ARHGAP24: variants seen among roughly 807,000 people sequenced by gnomAD.
ARHGAP24 encodes rho GTPase-activating protein 24.
A neutral mutation model predicts 76.4 loss-of-function variants in ARHGAP24; 50 were observed. The ratio of observed to expected loss-of-function variants is 0.65; its 90% confidence interval spans 0.52 to 0.83. The LOEUF (loss-of-function observed/expected upper bound fraction) is 0.83. ARHGAP24 is among the 40% of genes least tolerant of loss of function. ARHGAP24 has a pLI of 0.00. For synonymous variants in ARHGAP24, 345 were observed against 323.3 expected (o/e 1.07, Z -0.72); for missense variants, 930 against 914.2 (o/e 1.02, Z -0.22).
intron 2 of ARHGAP24, among the ~76,000 whole-genome samples, chr4:85,594,353 G>C (rs1313130445): frequency 2.6e-5 from 4 of 151,886 alleles, no homozygotes; most frequent in Non-Finnish European, 2.9e-5. Flanking sequence ...TTTTTTGGTG[G>C]AGTCTTTGTT....
intron 3 of ARHGAP24, among the ~76,000 whole-genome samples, chr4:85,743,901 G>A (rs1375731236): frequency 6.6e-6 from 1 of 152,156 alleles, no homozygotes; most frequent in Non-Finnish European, 1.5e-5. Context: ...TAACACAGAA[G>A]TATGGTATCA....
intron 1 of ARHGAP24, among the ~76,000 whole-genome samples, chr4:85,497,877 T>G (rs1723641805): frequency 6.6e-6 from 1 of 152,166 alleles, no homozygotes; most frequent in Non-Finnish European, 1.5e-5. Context: ...TGTCCCTAAC[T>G]TTTTAGTTTT....
chr4:85,851,040 A>T (rs1349092991), intron 3 of ARHGAP24, among the ~76,000 whole-genome samples: 1 of 152,072 alleles, frequency 6.6e-6, no homozygotes, highest in African/African-American at 2.4e-5. Context: ...TTTAATATTG[A>T]CAGTGGGGTG....
chr4:85,630,702 C>G (rs1441402820), intron 2 of ARHGAP24, among the ~76,000 whole-genome samples: 1 of 151,634 alleles, frequency 6.6e-6, no homozygotes, highest in East Asian at 1.9e-4. Context: ...TTCTAATACT[C>G]TATCTAACAT....
chr4:85,942,221 G>A lies in ARHGAP24; in HGVS notation c.547G>A (p.Val183Ile). 6.2e-7 allele frequency: 1 copy of A among 1,614,088 alleles called. No individual in the cohort carries two copies. Among genetic ancestry groups the A allele is most frequent in the Non-Finnish European group, 8.5e-7 (1 of 1,180,000 alleles). ...TCGACTGCCAGGCCAGGCTAATCTT[G>A]TTAAGGAGCTCCAAGATGCCTTTGA... Reference protein sequence around the residue: ...LFRLPGQANLVKELQDAFDCG... With the variant: ...LFRLPGQANLIKELQDAFDCG... Residue 183 changes from valine (V) to isoleucine (I), a missense_variant, in exon 5 of 10, where the codon GTT becomes ATT. Coordinates refer to ENST00000395184, the MANE Select transcript of ARHGAP24 (RefSeq NM_001025616.3).
intron 4 of ARHGAP24, chr4:85,930,954 G>GAGTTATTGGTGACTGTAGAAAAA: frequency 6.2e-7 from 1 of 1,614,004 alleles, no homozygotes; most frequent in South Asian, 1.1e-5. Flanking sequence ...GGAATTCTGG[G>GAGTTATTGGTGACTGTAGAAAAA]GGGTGCCCGG....
chr4:85,743,484 C>T (rs1277623354), intron 3 of ARHGAP24, among the ~76,000 whole-genome samples: 1 of 143,636 alleles, frequency 7.0e-6, no homozygotes, highest in Non-Finnish European at 1.5e-5. Flanking sequence ...AGGAGGATCA[C>T]TTGAGCCCAG....
chr4:85,560,593 G>A (rs538763500), intron 1 of ARHGAP24, among the ~76,000 whole-genome samples: 146 of 152,258 alleles, frequency 9.6e-4, no homozygotes, highest in African/African-American at 3.3e-3. Flanking sequence ...GAAAATAACT[G>A]TACGTAAGTT....
At chr4:85,781,929 C>T (rs985564030) in intron 3 of ARHGAP24, among the ~76,000 whole-genome samples, 2 of 150,962 alleles carry the variant, frequency 1.3e-5, no homozygotes, top group Non-Finnish European at 2.9e-5. Flanking sequence ...CCCAGCTACC[C>T]GGGAGGCTGA....
At chr4:85,984,472 T>C (rs1173105195) in intron 8 of ARHGAP24, among the ~76,000 whole-genome samples, 4 of 152,196 alleles carry the variant, frequency 2.6e-5, no homozygotes, top group African/African-American at 9.6e-5. Context: ...ATCTCTTTTA[T>C]GCTCGTACTA....
chr4:85,720,764 A>G (rs1724900829), intron 2 of ARHGAP24, among the ~76,000 whole-genome samples: 1 of 152,210 alleles, frequency 6.6e-6, no homozygotes, highest in South Asian at 2.1e-4. Context: ...AGACATTCAG[A>G]CAACAGAGAA....
chr4:85,814,435 T>C (rs1337008029), intron 3 of ARHGAP24, among the ~76,000 whole-genome samples: 7 of 152,166 alleles, frequency 4.6e-5, no homozygotes, highest in Non-Finnish European at 8.8e-5. Context: ...GGTACAGTAA[T>C]TGGGTAACTA....
At chr4:85,742,369 T>C (rs1416878467) in intron 3 of ARHGAP24, among the ~76,000 whole-genome samples, 1 of 152,222 alleles carries the variant, frequency 6.6e-6, no homozygotes, top group Non-Finnish European at 1.5e-5. Flanking sequence ...AAAGGAATAC[T>C]AATTAACTCA....
intron 3 of ARHGAP24, among the ~76,000 whole-genome samples, chr4:85,766,083 T>C (rs1178786598): frequency 6.6e-6 from 1 of 152,146 alleles, no homozygotes; most frequent in South Asian, 2.1e-4. Context: ...CCTAAGGTAA[T>C]ATCAACAAGG....
intron 2 of ARHGAP24, among the ~76,000 whole-genome samples, chr4:85,595,206 A>T (rs1300084380): frequency 6.6e-6 from 1 of 152,148 alleles, no homozygotes; most frequent in African/African-American, 2.4e-5. Context: ...CCTCTTTCTC[A>T]GGTTGATGGA....
chr4:85,626,456 G>T (rs982191959), intron 2 of ARHGAP24, among the ~76,000 whole-genome samples: 1 of 150,772 alleles, frequency 6.6e-6, no homozygotes, highest in Admixed American at 6.6e-5. Flanking sequence ...AGTCTGATGG[G>T]CTTCCCTTTG....
intron 2 of ARHGAP24, among the ~76,000 whole-genome samples, chr4:85,615,000 A>G (rs1227314694): frequency 6.6e-6 from 1 of 152,098 alleles, no homozygotes; most frequent in African/African-American, 2.4e-5. Flanking sequence ...AAGTCTGTGA[A>G]AACTAACTTG....
Position 85,570,577 on chromosome 4 carries a change from A to C in ARHGAP24, c.36A>C (p.Gln12His). The change falls in exon 2 of 10, where the codon CAA becomes CAC. Residue 12 changes from glutamine (Q) to histidine (H), a missense_variant. Coordinates refer to ENST00000395184, the MANE Select transcript of ARHGAP24 (RefSeq NM_001025616.3). ...EENNDSTENP[Q>H]QGQGRQNAIK... ...ACAATGACTCCACGGAGAACCCCCA[A>C]CAAGGCCAAGGGCGGCAGAATGCCA... The C allele has an allele frequency of 6.2e-7, 1 of 1,614,034 alleles. No individual in the cohort carries two copies. The highest frequency in any genetic ancestry group is 1.1e-5 in the South Asian group (1 of 91,066).
intron 2 of ARHGAP24, among the ~76,000 whole-genome samples, chr4:85,716,547 C>G (rs558409340): frequency 6.6e-6 from 1 of 152,190 alleles, no homozygotes; most frequent in East Asian, 1.9e-4. Context: ...AGCCTCTTCT[C>G]TCTGATCATC....
Sources: allele counts gnomAD v4.1 joint callset (sites outside exome capture counted in the v4.1 genomes callset), GRCh38; gene constraint gnomAD v4.1.1; transcripts MANE v1.5; gene names NCBI Gene and HGNC (gene_info 2026-07-23, HGNC 2026-07-21).